ARHGAP32: variants seen among roughly 807,000 people sequenced by gnomAD.
The protein encoded by ARHGAP32 is rho GTPase-activating protein 32.
Under a neutral mutation model 186.5 loss-of-function variants are expected in ARHGAP32, and 51 were observed. The ratio of observed to expected loss-of-function variants is 0.27; its 90% CI spans 0.22 to 0.35. The LOEUF (loss-of-function observed/expected upper bound fraction) is 0.35, where lower values mean the gene tolerates loss of function less well. Ranked by LOEUF, ARHGAP32 falls within the 10% of genes least tolerant of loss-of-function variation. The probability of loss-of-function intolerance (pLI) is 1.00; values close to 1 mark genes in which losing one functional copy is unlikely to be tolerated. For missense variants in ARHGAP32, 2,186 were observed against 2,623.5 expected (o/e 0.83, Z 3.64); for synonymous variants, 950 against 964.3 (o/e 0.99, Z 0.27).
In ARHGAP32 at chr11:128,980,826, C is replaced by T. The variant is rs569367597; in HGVS notation, c.1781-78G>A. The T allele has an allele frequency of 5.8e-5, 61 of 1,060,008 alleles. No homozygotes were observed. The African/African-American group carries it at 7.2e-4, about 13-fold the overall frequency. 65.7% of individuals were successfully genotyped at this position (1,060,008 alleles called of 1,614,324 possible). ...AATTTGTTAGTATCTATCTCTCCAT[C>T]TATCTACCTATCTGTTGTTTCAAAT... On this transcript the variant is annotated intron_variant, in intron 17 of 22. Coordinates refer to ENST00000682385, the MANE Select transcript of ARHGAP32 (RefSeq NM_001378024.1).
At position 128,974,336 on chromosome 11, in the gene ARHGAP32, T is replaced by A. The variant is rs1488538397; in HGVS notation, c.2861A>T (p.Asp954Val). The A allele has an allele frequency of 1.2e-6, 2 of 1,614,120 alleles. No homozygotes were observed. Among genetic ancestry groups the A allele is most frequent in the Non-Finnish European group, 1.7e-6 (2 of 1,180,062 alleles). The change falls in exon 21 of 23, where the codon GAC (aspartate) becomes GTC (valine). Residue 954 changes from aspartate to valine, a missense_variant. This residue lies in a region of ARHGAP32 where 1,502 missense variants were observed against 1,570.0 expected (regional missense o/e 0.96). Transcript: ENST00000682385. ...TAQNASSSTW[D>V]KCVEERDATN... is the part of the protein sequence containing the mutation. ...GGCATCCCTTTCTTCAACGCATTTG[T>A]CCCAGGTTGAAGATGATGCATTCTG...
chr11:129,116,988 C>T (rs188047444), intron 5 of ARHGAP32, among the ~76,000 whole-genome samples: 34 of 151,934 alleles, frequency 2.2e-4, no homozygotes, highest in Admixed American at 1.4e-3. Flanking sequence ...AGGAAACTGA[C>T]GACCAGAGAC....
At chr11:128,976,947 T>C (rs1329609999) in intron 19 of ARHGAP32, among the ~76,000 whole-genome samples, 1 of 152,228 alleles carries the variant, frequency 6.6e-6, no homozygotes, top group East Asian at 1.9e-4. Flanking sequence ...AAGACCAATA[T>C]GATATCTTGA....
chr11:128,973,377 AAG>A lies in ARHGAP32; in HGVS notation c.3127_3128del (p.Leu1043TyrfsTer20). 1 of 1,614,066 alleles carries A rather than the reference AAG, an allele frequency of 6.2e-7. No individual in the cohort carries two copies. Among genetic ancestry groups the A allele is most frequent in the Non-Finnish European group, 8.5e-7 (1 of 1,180,010 alleles). On this transcript the variant is annotated frameshift_variant, in exon 22 of 23. Transcript: ENST00000682385. LOFTEE classifies it high-confidence loss of function. Reference sequence around the variant, plus strand: ...TTTTCGGAGGCGGTGGTGGTGGGATAAGAGAGACTGAACTGACAGGAACGGAA... The same window carrying A: ...TTTTCGGAGGCGGTGGTGGTGGGATAAGAGACTGAACTGACAGGAACGGAA... ...QDSVPVSSVSLIPPPPPPKNV... is the reference protein window; with the variant it reads ...QDSVPVSSVSXIPPPPPPKNV...
chr11:129,012,817 A>ATTT (rs1357350897), intron 11 of ARHGAP32, among the ~76,000 whole-genome samples: 1 of 152,238 alleles, frequency 6.6e-6, no homozygotes, highest in Non-Finnish European at 1.5e-5. Flanking sequence ...AGTAGAGAAA[A>ATTT]GAACACATTC....
At position 128,972,824 on chromosome 11, in the gene ARHGAP32, G is replaced by A. The variant is rs1945424773; in HGVS notation, c.3682C>T (p.Pro1228Ser). 1.2e-5 allele frequency: 19 copies of A among 1,613,970 alleles called. No homozygotes were observed. The highest frequency in any genetic ancestry group is 1.6e-5 in the Non-Finnish European group (19 of 1,179,994). Residue 1228 changes from proline (P) to serine (S), a missense_variant, in exon 22 of 23, where the codon CCT becomes TCT. Physicochemically the swap from Pro to Ser is moderately conservative, Grantham distance 74. Transcript: ENST00000682385. ...PPRFYSGDQPPSYLGASVDKL... is the reference protein window; with the variant it reads ...PPRFYSGDQPSSYLGASVDKL... ...TCCACACTTGCACCAAGATAAGAAG[G>A]AGGCTGATCTCCACTGTAGAAACGG...
At chr11:129,035,475 G>A (rs570663914) in intron 11 of ARHGAP32, among the ~76,000 whole-genome samples, 10 of 152,262 alleles carry the variant, frequency 6.6e-5, no homozygotes, top group South Asian at 6.2e-4. Context: ...TGTTTATACC[G>A]TAGGCAAAGA....
Position 128,974,130 on chromosome 11 carries a change from G to C in ARHGAP32, c.3067C>G (p.Gln1023Glu). Residue 1023 changes from glutamine (Q) to glutamate (E), a missense_variant, in exon 21 of 23, where the codon CAG (glutamine) becomes GAG (glutamate). Physicochemically the swap from Gln to Glu is conservative, Grantham distance 29 (BLOSUM62 2). Coordinates refer to ENST00000682385, the MANE Select transcript of ARHGAP32 (RefSeq NM_001378024.1). ...GGAGGAAAACAAACGGTACCTGTCT[G>C]AGTCTGTCCAGAAGCTACAGCCTTA... ...QSKAVASGQT[Q>E]TGAVTHDPPQ... 6.2e-7 allele frequency: 1 copy of C among 1,614,140 alleles called. No homozygotes were observed. Among genetic ancestry groups the C allele is most frequent in the Non-Finnish European group, 8.5e-7 (1 of 1,180,012 alleles).
intron 1 of ARHGAP32, among the ~76,000 whole-genome samples, chr11:129,273,422 T>C (rs1270720164): frequency 6.6e-6 from 1 of 152,210 alleles, no homozygotes; most frequent in African/African-American, 2.4e-5. Context: ...GTCTGTCAGA[T>C]TCTCCTTAGG....
intron 5 of ARHGAP32, among the ~76,000 whole-genome samples, chr11:129,101,545 A>G (rs1326521003): frequency 6.6e-6 from 1 of 152,224 alleles, no homozygotes; most frequent in Non-Finnish European, 1.5e-5. Context: ...CACTACAAGA[A>G]GTTTATAATG....
chr11:129,253,909 T>C (rs928860853), intron 1 of ARHGAP32, among the ~76,000 whole-genome samples: 6 of 152,164 alleles, frequency 3.9e-5, no homozygotes, highest in Non-Finnish European at 8.8e-5. Context: ...AATACAGTTA[T>C]ATAAATACAC....
In ARHGAP32 at chr11:129,221,665, A is replaced by C. The variant is rs1944713535; in HGVS notation, c.-4-57238T>G. ...TACTGAAGAAATGAGGAAGAGTACA[A>C]GCAGTAGAGGACAAACAGGCTTTCC... On this transcript the variant is annotated intron_variant, in intron 1 of 6. Transcript: ENST00000525234. Among the ~76,000 whole-genome samples, 4 of 151,928 alleles carry C rather than the reference A, an allele frequency of 2.6e-5. No homozygotes were observed. In the South Asian group the frequency reaches 8.3e-4, roughly 32 times the overall value.
chr11:129,105,441 A>G (rs1031589218), intron 5 of ARHGAP32, among the ~76,000 whole-genome samples: 1 of 152,214 alleles, frequency 6.6e-6, no homozygotes, highest in African/African-American at 2.4e-5. Context: ...TCCAGTACAG[A>G]AGCAACACGT....
chr11:129,110,711 T>G (rs1942185951), intron 5 of ARHGAP32, among the ~76,000 whole-genome samples: 1 of 152,156 alleles, frequency 6.6e-6, no homozygotes, highest in Non-Finnish European at 1.5e-5. Context: ...TACGATTGCC[T>G]TCTTCTTTTC....
chr11:129,021,654 T>TTTTAATATCTAAATATATTAAATATA (rs1428269415), intron 11 of ARHGAP32, among the ~76,000 whole-genome samples: 1 of 152,124 alleles, frequency 6.6e-6, no homozygotes. Flanking sequence ...GATTATGTTA[T>TTTTAATATCTAAATATATTAAATATA]TTTAGGTTGA....
rs1381560146 is a variant in ARHGAP32 at position 129,061,110 on chromosome 11, T to C, written c.963+1170A>G. ...GCTAATAATTCATTTTTATTTAATA[T>C]GTAGTTAGAACTCAAAGTATTTATA... On this transcript the variant is annotated intron_variant, in intron 10 of 22. Coordinates refer to ENST00000682385, the MANE Select transcript of ARHGAP32 (RefSeq NM_001378024.1). Among the ~76,000 whole-genome samples the C allele has an allele frequency of 4.6e-5, 7 of 152,320 alleles. No homozygotes were observed. In the South Asian group the frequency reaches 6.2e-4, roughly 14 times the overall value.
At chr11:129,154,856 C>T (rs1943365356) in intron 2 of ARHGAP32, among the ~76,000 whole-genome samples, 1 of 151,788 alleles carries the variant, frequency 6.6e-6, no homozygotes, top group Non-Finnish European at 1.5e-5. Flanking sequence ...AATTAAAAGC[C>T]ACCTGTTCCC....
chr11:129,181,466 C>A (rs754889077), intron 1 of ARHGAP32, among the ~76,000 whole-genome samples: 7 of 152,126 alleles, frequency 4.6e-5, no homozygotes, highest in African/African-American at 9.7e-5. Flanking sequence ...GTGCCTGGAA[C>A]TGATAAAAGT....
intron 1 of ARHGAP32, among the ~76,000 whole-genome samples, chr11:129,260,552 T>C (rs1945309187): frequency 6.6e-6 from 1 of 152,116 alleles, no homozygotes; most frequent in Admixed American, 6.6e-5. Context: ...AAAAATAAGC[T>C]CCTCATTCTG....
Sources: gnomAD v4.1 joint callset for allele counts (sites outside exome capture counted in the v4.1 genomes callset) on GRCh38, gnomAD v4.1.1 for gene constraint, gnomAD v4.1.1 regional missense constraint, MANE v1.5 for transcripts, NCBI Gene and HGNC (gene_info 2026-07-23, HGNC 2026-07-21) for gene names.